Variants in RAP1GAP2 observed in about 807,000 individuals in gnomAD.
RAP1GAP2 encodes the protein rap1 GTPase-activating protein 2.
A neutral mutation model predicts 95.0 loss-of-function variants in RAP1GAP2; 27 were observed. The observed-to-expected ratio is 0.28, with a 90% CI of 0.21 to 0.39. The LOEUF is 0.39. Among genes scored for constraint, RAP1GAP2 ranks in the 10% least tolerant of loss-of-function variants. The pLI, the probability that RAP1GAP2 is intolerant of heterozygous loss-of-function variation, is 1.00. For missense variants in RAP1GAP2, 771 were observed against 970.0 expected (o/e 0.79, Z 2.72); for synonymous variants, 373 against 380.9 (o/e 0.98, Z 0.24).
intron 3 of RAP1GAP2, among the ~76,000 whole-genome samples, chr17:2,927,629 C>G (rs567818739): frequency 6.6e-6 from 1 of 152,350 alleles, no homozygotes; most frequent in Non-Finnish European, 1.5e-5. Flanking sequence ...TGTAACCTCA[C>G]ACATTCCCAG....
At chr17:2,896,739 C>T (rs1465452180) in intron 2 of RAP1GAP2, among the ~76,000 whole-genome samples, 2 of 152,218 alleles carry the variant, frequency 1.3e-5, no homozygotes, top group African/African-American at 4.8e-5. Flanking sequence ...CCTCCCGCCT[C>T]CTGCCCTTTT....
intron 16 of RAP1GAP2, among the ~76,000 whole-genome samples, chr17:3,006,582 C>T (rs1247453197): frequency 3.3e-5 from 5 of 151,882 alleles, no homozygotes; most frequent in South Asian, 2.1e-4. Context: ...TACAGGCGCC[C>T]GCCACCACGC....
chr17:2,950,605 ATTTTTTTT>A (rs3035074), intron 3 of RAP1GAP2, among the ~76,000 whole-genome samples: 1 of 78,070 alleles, frequency 1.3e-5, no homozygotes, highest in Non-Finnish European at 2.6e-5. Flanking sequence ...ATTTGCTTCA[ATTTTTTTT>A]TTTTTTTTTT....
rs139128276 is a variant in RAP1GAP2, at chr17:2,875,952, T to G, written c.81-29332T>G. ...TTTTTGTTTGTTTGTTTGTTTTTTT[T>G]TTTGAGATGGAATCTGGCTCTGTCG... is the stretch of plus-strand genomic sequence containing the variant. On this transcript the variant is annotated intron_variant, in intron 2 of 24. Transcript: ENST00000254695. 3.2e-3 allele frequency among the ~76,000 whole-genome samples: 479 copies of G among 151,654 alleles called. 5 individuals are homozygous for G. The highest frequency in any genetic ancestry group is 0.011 in the African/African-American group (449 of 41,370).
At chr17:2,914,619 TA>T (rs2151751781) in intron 3 of RAP1GAP2, among the ~76,000 whole-genome samples, 1 of 151,520 alleles carries the variant, frequency 6.6e-6, no homozygotes, top group East Asian at 2.0e-4. Context: ...GCCTCCCGAG[TA>T]GCTGGGACTA....
intron 2 of RAP1GAP2, among the ~76,000 whole-genome samples, chr17:2,896,317 G>T (rs1310506027): frequency 6.6e-6 from 1 of 152,174 alleles, no homozygotes; most frequent in Non-Finnish European, 1.5e-5. Flanking sequence ...TGGTCCCCAA[G>T]AACTCAAAAC....
intron 3 of RAP1GAP2, among the ~76,000 whole-genome samples, chr17:2,926,968 T>G (rs2042974644): frequency 7.9e-6 from 1 of 126,232 alleles, no homozygotes; most frequent in African/African-American, 3.1e-5. Context: ...ATTGTGCCAC[T>G]GCACTCCAGC....
intron 3 of RAP1GAP2, among the ~76,000 whole-genome samples, chr17:2,933,494 G>A (rs951268576): frequency 6.6e-6 from 1 of 152,244 alleles, no homozygotes; most frequent in Non-Finnish European, 1.5e-5. Flanking sequence ...GATTTTCCGG[G>A]AGGCCAACAC....
rs150045068 is a variant in RAP1GAP2, at chr17:2,834,639, A to C, written c.80+34089A>C. Reference sequence around the variant, plus strand: ...TGGCAAAACCCCATCTCTACAAAAAATACAAAAATTAGCTGGGCATGGTGG... The same window carrying C: ...TGGCAAAACCCCATCTCTACAAAAACTACAAAAATTAGCTGGGCATGGTGG... On this transcript the variant is annotated intron_variant, in intron 2 of 24. Coordinates refer to ENST00000254695, the MANE Select transcript of RAP1GAP2 (RefSeq NM_015085.5). 3.7e-3 allele frequency among the ~76,000 whole-genome samples: 558 copies of C among 152,264 alleles called. 1 individual carries two copies. The highest frequency in any genetic ancestry group is 5.4e-3 in the Non-Finnish European group (367 of 68,018).
At chr17:3,032,248 A>G (rs569676344) in intron 23 of RAP1GAP2, among the ~76,000 whole-genome samples, 163 bp from the exon 24 acceptor site, 42 of 151,970 alleles carry the variant, frequency 2.8e-4, no homozygotes, top group Non-Finnish European at 5.0e-4. Context: ...CAGACTATCG[A>G]GAACTCCAGG....
intron 2 of RAP1GAP2, among the ~76,000 whole-genome samples, chr17:2,864,872 C>T (rs1037310364): frequency 2.0e-5 from 3 of 152,166 alleles, no homozygotes; most frequent in African/African-American, 7.2e-5. Context: ...GGCTGCGCGT[C>T]GCAGTACAGA....
rs1432118866 is a variant in RAP1GAP2, at chr17:2,870,666, C to A, written c.81-34618C>A. ...CTGTTTCTCTGTATTGTAACAAAGGCGGGATTATACTTTAGGTACAGTACA... is the reference window on the plus strand; with the variant it reads ...CTGTTTCTCTGTATTGTAACAAAGGAGGGATTATACTTTAGGTACAGTACA... On this transcript the variant is annotated intron_variant, in intron 2 of 24. Transcript: ENST00000254695. The surrounding 1 kb of genome is among the most constrained non-coding windows in gnomAD (Gnocchi z 4.4). Among the ~76,000 whole-genome samples, 1 of 151,980 alleles carries A rather than the reference C, an allele frequency of 6.6e-6. No homozygotes were observed. The highest frequency in any genetic ancestry group is 6.6e-5 in the Admixed American group (1 of 15,244).
At chr17:2,850,887 C>G (rs113251510) in intron 2 of RAP1GAP2, among the ~76,000 whole-genome samples, 1 of 151,974 alleles carries the variant, frequency 6.6e-6, no homozygotes, top group Non-Finnish European at 1.5e-5. Flanking sequence ...ATGGCGAAAC[C>G]CCGTCTCTAC....
At chr17:2,910,323 C>T (rs1397032000) in intron 3 of RAP1GAP2, among the ~76,000 whole-genome samples, 1 of 152,170 alleles carries the variant, frequency 6.6e-6, no homozygotes, top group Admixed American at 6.5e-5. Flanking sequence ...TCCTATATCC[C>T]AGCAGGCCTG....
At chr17:2,828,572 C>A (rs894816665) in intron 2 of RAP1GAP2, among the ~76,000 whole-genome samples, 4 of 152,056 alleles carry the variant, frequency 2.6e-5, no homozygotes, top group Admixed American at 6.6e-5. Flanking sequence ...GCGGGAAGAG[C>A]GGGTGGATGG....
At chr17:2,878,325 C>T (rs2073163175) in intron 2 of RAP1GAP2, among the ~76,000 whole-genome samples, 1 of 152,044 alleles carries the variant, frequency 6.6e-6, no homozygotes, top group Admixed American at 6.6e-5. Flanking sequence ...TGTGAGACCC[C>T]CCCGGGGATG....
At chr17:2,894,259 A>G (rs1473722195) in intron 2 of RAP1GAP2, among the ~76,000 whole-genome samples, 1 of 152,170 alleles carries the variant, frequency 6.6e-6, no homozygotes, top group East Asian at 1.9e-4. Flanking sequence ...CAAAAACCCC[A>G]TCTCTACTAA....
chr17:2,776,428 C>A (rs1421751162), upstream of RAP1GAP2, among the ~76,000 whole-genome samples: 4 of 152,194 alleles, frequency 2.6e-5, no homozygotes, highest in Non-Finnish European at 5.9e-5. Context: ...TCCTTCTCTC[C>A]CCGGGTCCTC....
At chr17:2,755,834 A>T (rs2071128822) in intron 1 of RAP1GAP2, 1 of 343,954 alleles carries the variant, frequency 2.9e-6, no homozygotes, top group South Asian at 1.4e-4. Context: ...CCGGCGCGGG[A>T]AGCAGCGGGG....
Sources: allele counts gnomAD v4.1 joint callset (sites outside exome capture counted in the v4.1 genomes callset), GRCh38; gene constraint gnomAD v4.1.1; non-coding constraint Gnocchi (gnomAD v3.1); transcripts MANE v1.5; gene names NCBI Gene and HGNC (gene_info 2026-07-23, HGNC 2026-07-21).